Variants in NTM observed in about 807,000 individuals in gnomAD.
NTM encodes the protein IgLON family member 2.
Under a neutral mutation model 42.1 loss-of-function variants are expected in NTM, and 13 were observed. That is an observed-to-expected ratio of 0.31 (90% CI 0.20 to 0.49). NTM has a LOEUF of 0.49. Ranked by LOEUF, NTM falls within the 20% of genes least tolerant of loss-of-function variation. The probability of loss-of-function intolerance (pLI) is 0.99; values close to 1 mark genes in which losing one functional copy is unlikely to be tolerated. For synonymous variants in NTM, 187 were observed against 179.2 expected (o/e 1.04, Z -0.35); for missense variants, 373 against 452.8 (o/e 0.82, Z 1.60).
In NTM at chr11:132,234,777, AAT is replaced by A. The variant is rs559551544; in HGVS notation, c.526+22631_526+22632del. Among the ~76,000 whole-genome samples the A allele has an allele frequency of 9.8e-5, 15 of 152,348 alleles. No individual in the cohort carries two copies. The South Asian group carries it at 3.1e-3, about 32-fold the overall frequency. ...GTGAATCTCAATTTTTACATCAAAA[AAT>A]TACTAGTTATTGTTAACTGTTTGAA... On this transcript the variant is annotated intron_variant, in intron 4 of 8. Coordinates refer to ENST00000683400, the MANE Select transcript of NTM (RefSeq NM_001352005.2).
At chr11:131,508,343 T>A (rs200121835) in intron 1 of NTM, among the ~76,000 whole-genome samples, 395 of 142,368 alleles carry the variant, frequency 2.8e-3, no homozygotes, top group Middle Eastern at 7.4e-3. Flanking sequence ...AGATACCATC[T>A]CACACCAGTT....
chr11:131,917,568 A>G (rs2056587327), intron 2 of NTM, among the ~76,000 whole-genome samples: 1 of 152,176 alleles, frequency 6.6e-6, no homozygotes, highest in Admixed American at 6.5e-5. Flanking sequence ...GGAAATTAGC[A>G]TTTTCAAGGT....
At chr11:131,608,998 C>T (rs1240905089) in intron 1 of NTM, among the ~76,000 whole-genome samples, 1 of 152,226 alleles carries the variant, frequency 6.6e-6, no homozygotes, top group Admixed American at 6.5e-5. Context: ...TTTTCTTAAA[C>T]ACCAGGGGAG....
chr11:131,692,690 C>T (rs2074939848), intron 1 of NTM, among the ~76,000 whole-genome samples: 1 of 152,176 alleles, frequency 6.6e-6, no homozygotes, highest in Admixed American at 6.5e-5. Flanking sequence ...AGTGCCTTCC[C>T]TAGCTTCATA....
At chr11:131,639,707 C>T (rs2064881406) in intron 1 of NTM, among the ~76,000 whole-genome samples, 1 of 152,130 alleles carries the variant, frequency 6.6e-6, no homozygotes, top group South Asian at 2.1e-4. Context: ...CCTGTAATCC[C>T]AGCACTTTGG....
chr11:131,640,411 AG>A (rs1356841972), intron 1 of NTM, among the ~76,000 whole-genome samples: 3 of 152,208 alleles, frequency 2.0e-5, no homozygotes, highest in Non-Finnish European at 4.4e-5. Flanking sequence ...AGTAAAGCCC[AG>A]GGAGGACTCA....
At chr11:131,603,781 A>G (rs931939535) in intron 1 of NTM, among the ~76,000 whole-genome samples, 1 of 152,192 alleles carries the variant, frequency 6.6e-6, no homozygotes, top group African/African-American at 2.4e-5. Flanking sequence ...GGACTCATAT[A>G]CCATGTGGTC....
chr11:132,206,809 G>A (rs971438453), intron 3 of NTM, among the ~76,000 whole-genome samples: 1 of 152,180 alleles, frequency 6.6e-6, no homozygotes, highest in Non-Finnish European at 1.5e-5. Flanking sequence ...AATTTGAGGT[G>A]AAGCCATCTC....
At chr11:132,142,794 C>T (rs1450253552) in intron 2 of NTM, among the ~76,000 whole-genome samples, 4 of 152,168 alleles carry the variant, frequency 2.6e-5, no homozygotes, top group Admixed American at 6.5e-5. Flanking sequence ...AAATTGGCTG[C>T]GTTCTGAGTG....
chr11:131,604,643 GT>G (rs5795733), intron 1 of NTM, among the ~76,000 whole-genome samples: 71,067 of 132,946 alleles, frequency 0.53, 17,630 homozygotes, highest in East Asian at 0.65. Context: ...CTTCTAAAAG[GT>G]TTTTTTTTTT....
At chr11:131,929,344 G>A (rs554977946) in intron 2 of NTM, among the ~76,000 whole-genome samples, 1 of 152,262 alleles carries the variant, frequency 6.6e-6, no homozygotes, top group South Asian at 2.1e-4. Flanking sequence ...ATGTGGGCGG[G>A]GCCTGGTCCA....
At chr11:131,801,443 G>A (rs1018012137) in intron 1 of NTM, among the ~76,000 whole-genome samples, 1 of 152,146 alleles carries the variant, frequency 6.6e-6, no homozygotes, top group Non-Finnish European at 1.5e-5. Flanking sequence ...TATTTCTCCT[G>A]AGGAAGCCTC....
chr11:131,814,611 C>G (rs1179456901), intron 1 of NTM, among the ~76,000 whole-genome samples: 1 of 139,798 alleles, frequency 7.2e-6, no homozygotes, highest in Admixed American at 7.0e-5. Flanking sequence ...TAATCTTGTC[C>G]GTTGGTAATC....
rs561756063 is a variant in NTM, at chr11:132,267,450, C to G, written c.527-40239C>G. 2.0e-5 allele frequency among the ~76,000 whole-genome samples: 3 copies of G among 151,262 alleles called. No individual in the cohort carries two copies. The East Asian group carries it at 5.9e-4, about 30-fold the overall frequency. On this transcript the variant is annotated intron_variant, in intron 4 of 8. Transcript: ENST00000683400. Reference sequence around the variant, plus strand: ...ATAGTTGATGGGTTTCAAATCCACACGCAAGCCCTTATCTTGGGTTCTTGG... The same window carrying G: ...ATAGTTGATGGGTTTCAAATCCACAGGCAAGCCCTTATCTTGGGTTCTTGG...
intron 1 of NTM, among the ~76,000 whole-genome samples, chr11:131,733,890 AT>A (rs1271374367): frequency 3.9e-5 from 6 of 152,268 alleles, no homozygotes; most frequent in African/African-American, 1.4e-4. Context: ...ATATGTCATA[AT>A]TTTTTAACAT....
intron 2 of NTM, among the ~76,000 whole-genome samples, chr11:132,012,845 T>C (rs2072531202): frequency 6.6e-6 from 1 of 152,156 alleles, no homozygotes; most frequent in Non-Finnish European, 1.5e-5. Flanking sequence ...GCAGGAGCCA[T>C]TCAGAATACG....
chr11:132,175,614 G>T (rs1312652313), intron 3 of NTM, among the ~76,000 whole-genome samples: 8 of 150,936 alleles, frequency 5.3e-5, no homozygotes, highest in Non-Finnish European at 1.0e-4. Flanking sequence ...TTCAGACAGA[G>T]TCTCGCTCAG....
chr11:132,317,828 G>T, intron 7 of NTM: 1 of 421,986 alleles, frequency 2.4e-6, no homozygotes. Flanking sequence ...GGAGGTGATT[G>T]ATTGGGAGCC....
chr11:131,825,454 T>C (rs2042014323), intron 1 of NTM, among the ~76,000 whole-genome samples: 1 of 152,050 alleles, frequency 6.6e-6, no homozygotes, highest in African/African-American at 2.4e-5. Context: ...GGCTAGCACT[T>C]GATGTCTTTG....
Sources: gnomAD v4.1 joint callset for allele counts (sites outside exome capture counted in the v4.1 genomes callset) on GRCh38, gnomAD v4.1.1 for gene constraint, MANE v1.5 for transcripts, NCBI Gene and HGNC (gene_info 2026-07-23, HGNC 2026-07-21) for gene names.